Variants in PTPRT observed in about 807,000 individuals in gnomAD.
PTPRT encodes the protein receptor-type tyrosine-protein phosphatase T.
PTPRT carries 56 observed loss-of-function variants against 176.8 expected under a neutral mutation model. That is an observed-to-expected ratio of 0.32 (90% CI 0.26 to 0.40). The LOEUF (loss-of-function observed/expected upper bound fraction) is 0.40, where lower values mean the gene tolerates loss of function less well. PTPRT is among the 10% of genes least tolerant of loss of function. The pLI is 1.00. For synonymous variants in PTPRT, 783 were observed against 739.0 expected, an observed-to-expected ratio of 1.06 and a Z score of -0.96; for missense variants, 1,540 against 1,908.2, an observed-to-expected ratio of 0.81 and a Z score of 3.60.
chr20:43,186,169 A>G (rs1016196128), intron 1 of PTPRT, among the ~76,000 whole-genome samples: 7 of 152,200 alleles, frequency 4.6e-5, no homozygotes, highest in Non-Finnish European at 1.0e-4. Flanking sequence ...AGACAGCTAT[A>G]ATTATCCTCA....
intron 12 of PTPRT, 152 bp from the exon 13 acceptor site, chr20:42,282,677 C>A: frequency 1.6e-6 from 1 of 630,448 alleles, no homozygotes. Context: ...TTTTTTTCCC[C>A]ATCGGATGAC....
chr20:42,036,801 C>T, the PTPRT span, among the ~76,000 whole-genome samples: 118 of 152,212 alleles, frequency 7.8e-4, 1 homozygote, highest in African/African-American at 2.7e-3. Flanking sequence ...CAGCTTGTGA[C>T]AAGGAGAGCA....
intron 1 of PTPRT, among the ~76,000 whole-genome samples, chr20:42,892,312 T>C (rs1364240822): frequency 6.6e-6 from 1 of 152,116 alleles, no homozygotes; most frequent in Non-Finnish European, 1.5e-5. Context: ...CTCACCCACA[T>C]GAAGGAATGG....
chr20:42,424,562 G>T (rs1324530104), intron 9 of PTPRT, among the ~76,000 whole-genome samples: 2 of 152,042 alleles, frequency 1.3e-5, no homozygotes, highest in African/African-American at 4.8e-5. Context: ...ATTTGGGAAT[G>T]ATTTACTCAT....
In PTPRT at chr20:42,864,202, A is replaced by G. The variant is rs76961081; in HGVS notation, c.214+21605T>C. The stretch of plus-strand genomic sequence containing the variant: ...CAGGGCCTTCTGCTGAGTCTCAGTA[A>G]GCACACACTGGACAAAGAACCTCCA... On this transcript the variant is annotated intron_variant, in intron 2 of 30. Coordinates refer to ENST00000373187, the MANE Select transcript of PTPRT (RefSeq NM_007050.6). 4.2e-3 allele frequency among the ~76,000 whole-genome samples: 644 copies of G among 152,344 alleles called. 1 individual carries two copies. Among genetic ancestry groups the G allele is most frequent in the African/African-American group, 0.015 (603 of 41,586 alleles).
At chr20:42,482,052 T>C (rs916390805) in intron 7 of PTPRT, among the ~76,000 whole-genome samples, 1 of 152,114 alleles carries the variant, frequency 6.6e-6, no homozygotes, top group African/African-American at 2.4e-5. Flanking sequence ...CAATGTAATA[T>C]TTAGTCTAGA....
chr20:42,478,127 G>A (rs2071323235), intron 7 of PTPRT, among the ~76,000 whole-genome samples: 1 of 152,190 alleles, frequency 6.6e-6, no homozygotes, highest in African/African-American at 2.4e-5. Context: ...TGGGGGCAGT[G>A]GACAGAACTT....
rs150335972 is a variant in PTPRT, at chr20:42,518,110, C to T, written c.1154-45548G>A. 3.9e-3 allele frequency among the ~76,000 whole-genome samples: 598 copies of T among 152,092 alleles called. 2 individuals are homozygous for T. The highest frequency in any genetic ancestry group is 7.0e-3 in the Non-Finnish European group (478 of 67,872). The stretch of plus-strand genomic sequence containing the variant: ...TTGAATTTTTAAAGGCATGTTAATA[C>T]TGTCATACTCAGTTTAGAGGTGGTT... On this transcript the variant is annotated intron_variant, in intron 7 of 30. Transcript: ENST00000373187.
chr20:42,233,676 C>T (rs1462112273), intron 15 of PTPRT, among the ~76,000 whole-genome samples: 1 of 152,110 alleles, frequency 6.6e-6, no homozygotes, highest in East Asian at 1.9e-4. Context: ...GAAATGTAAC[C>T]ACCTAAGGTT....
intron 7 of PTPRT, among the ~76,000 whole-genome samples, chr20:42,494,839 C>T (rs536922913): frequency 1.3e-5 from 2 of 152,250 alleles, no homozygotes; most frequent in Admixed American, 1.3e-4. Flanking sequence ...AATGTTTCCT[C>T]TATCCCCAAT....
intron 7 of PTPRT, among the ~76,000 whole-genome samples, chr20:42,652,312 C>T (rs1295224405): frequency 6.6e-6 from 1 of 152,150 alleles, no homozygotes; most frequent in Non-Finnish European, 1.5e-5. Flanking sequence ...GCCCTTCATT[C>T]ATTTAACAGA....
intron 7 of PTPRT, among the ~76,000 whole-genome samples, chr20:42,545,702 C>T (rs1444090530): frequency 6.6e-6 from 1 of 152,172 alleles, no homozygotes; most frequent in Non-Finnish European, 1.5e-5. Flanking sequence ...GTTGAAGGCA[C>T]TTGGGCTGGG....
intron 7 of PTPRT, among the ~76,000 whole-genome samples, chr20:42,510,079 C>T (rs985232248): frequency 2.0e-5 from 3 of 152,104 alleles, no homozygotes; most frequent in African/African-American, 7.2e-5. Flanking sequence ...TAGTGCTGGG[C>T]ACACATCAAG....
intron 7 of PTPRT, among the ~76,000 whole-genome samples, chr20:42,522,839 C>T (rs993708104): frequency 1.1e-4 from 17 of 152,100 alleles, no homozygotes; most frequent in African/African-American, 3.9e-4. Context: ...AAATTGGTTT[C>T]CCTGAGCATT....
At chr20:42,190,268 A>G (rs928632735) in intron 16 of PTPRT, among the ~76,000 whole-genome samples, 13 of 152,112 alleles carry the variant, frequency 8.5e-5, no homozygotes, top group Non-Finnish European at 8.8e-5. Flanking sequence ...GTGACTCATC[A>G]TTGCTTTTCC....
At chr20:42,186,911 T>C (rs1990805085) in intron 16 of PTPRT, among the ~76,000 whole-genome samples, 1 of 151,680 alleles carries the variant, frequency 6.6e-6, no homozygotes, top group African/African-American at 2.4e-5. Context: ...GAACTCGATG[T>C]GGGAGGTGAG....
intron 2 of PTPRT, among the ~76,000 whole-genome samples, chr20:42,839,869 C>A (rs1234646753): frequency 6.6e-6 from 1 of 152,120 alleles, no homozygotes; most frequent in Non-Finnish European, 1.5e-5. Flanking sequence ...CGCTGAGATC[C>A]TAATGAAGTT....
intron 13 of PTPRT, among the ~76,000 whole-genome samples, chr20:42,266,199 G>A (rs2056836151): frequency 2.0e-5 from 3 of 152,158 alleles, no homozygotes. Flanking sequence ...TGAGTAATTG[G>A]CTCAAGGTCC....
Position 42,676,668 on chromosome 20 carries a change from TTTA to T in PTPRT, c.1153+1195_1153+1197del, listed in dbSNP as rs2075509592. On this transcript the variant is annotated intron_variant, in intron 7 of 30. Coordinates refer to ENST00000373187, the MANE Select transcript of PTPRT (RefSeq NM_007050.6). ...CCATTCTATGACTTTGGACAAAAAGTTTAAAAGTATTGAGTCTCTATTCCTTTG... is the reference window on the plus strand; with the variant it reads ...CCATTCTATGACTTTGGACAAAAAGTAAAGTATTGAGTCTCTATTCCTTTG... 2.0e-5 allele frequency among the ~76,000 whole-genome samples: 3 copies of T among 152,124 alleles called. No individual in the cohort carries two copies. In the South Asian group the frequency reaches 6.2e-4, roughly 32 times the overall value.
Sources: gnomAD v4.1 joint callset for allele counts (sites outside exome capture counted in the v4.1 genomes callset) on GRCh38, gnomAD v4.1.1 for gene constraint, MANE v1.5 for transcripts, NCBI Gene and HGNC (gene_info 2026-07-23, HGNC 2026-07-21) for gene names.